The following RUFY1 variants were observed in gnomAD, a reference collection of about 807,000 sequenced individuals.
RUFY1 encodes RUN and FYVE domain containing 1.
A neutral mutation model predicts 94.6 loss-of-function variants in RUFY1; 54 were observed. The ratio of observed to expected loss-of-function variants is 0.57; its 90% CI spans 0.46 to 0.72. RUFY1 has a LOEUF of 0.72. Among genes scored for constraint, RUFY1 ranks in the 30% least tolerant of loss-of-function variants. The pLI is 0.00. For missense variants in RUFY1, 883 were observed against 883.9 expected (o/e 1.00, Z 0.01); for synonymous variants, 396 against 347.3 (o/e 1.14, Z -1.56).
At chr5:179,605,807 C>T in intron 15 of RUFY1, 69 bp from the exon 16 acceptor site, 1 of 1,020,840 alleles carries the variant, frequency 9.8e-7, no homozygotes, top group Non-Finnish European at 1.5e-6. Flanking sequence ...TCCTGAGAGC[C>T]AGCTGTGTTA....
chr5:179,592,007 G>A (rs1041811064), intron 10 of RUFY1, among the ~76,000 whole-genome samples: 11 of 152,006 alleles, frequency 7.2e-5, no homozygotes, highest in East Asian at 1.9e-4. Context: ...GTGCGATGGC[G>A]CGATCTTGGC....
intron 15 of RUFY1, among the ~76,000 whole-genome samples, chr5:179,603,065 C>T (rs1179426012): frequency 6.6e-6 from 1 of 152,068 alleles, no homozygotes; most frequent in Non-Finnish European, 1.5e-5. Flanking sequence ...GTCAGGAGTT[C>T]GAGACCAGCC....
intron 2 of RUFY1, 87 bp downstream of exon 2, chr5:179,560,285 G>C: frequency 1.3e-6 from 2 of 1,485,810 alleles, no homozygotes; most frequent in Non-Finnish European, 1.8e-6. Context: ...CATCCTTCTA[G>C]ATGCTGAAAT....
rs138909927 is a variant in RUFY1 at position 179,607,620 on chromosome 5, T to C, written c.1944T>C (p.Cys648=). 310 of 1,614,166 alleles carry C rather than the reference T, an allele frequency of 1.9e-4. No homozygotes were observed. In the African/African-American group the frequency reaches 3.9e-3, roughly 20 times the overall value. Residue 648 remains cysteine, a synonymous_variant, in exon 17 of 18, where the codon TGT becomes TGC. Coordinates refer to ENST00000319449, the MANE Select transcript of RUFY1 (RefSeq NM_025158.5). ...AWLKDDEATH[C]RQCEKEFSIS... is the part of the protein sequence containing the mutation. ...TGAAAGATGACGAAGCGACACACTG[T>C]AGGCAGTGTGAGAAGGAGTTCTCCA...
intron 1 of RUFY1, among the ~76,000 whole-genome samples, chr5:179,553,640 A>G (rs993336884): frequency 6.6e-6 from 1 of 151,680 alleles, no homozygotes; most frequent in Non-Finnish European, 1.5e-5. Context: ...AAGTACAAAA[A>G]TTAGCCGGGC....
chr5:179,600,469 C>T (rs1296497688), intron 14 of RUFY1, among the ~76,000 whole-genome samples: 2 of 152,190 alleles, frequency 1.3e-5, no homozygotes, highest in African/African-American at 4.8e-5. Flanking sequence ...AGGTCACCCC[C>T]TTCATCATCC....
intron 8 of RUFY1, 197 bp from the exon 9 acceptor site, chr5:179,589,349 G>C (rs148003581): frequency 3.7e-6 from 2 of 534,456 alleles, no homozygotes; most frequent in African/African-American, 3.8e-5. Context: ...GGCAAGGGCG[G>C]AGGAGAGATT....
At chr5:179,598,630 G>A in intron 13 of RUFY1, 62 bp from the exon 14 acceptor site, 1 of 1,598,948 alleles carries the variant, frequency 6.3e-7, no homozygotes, top group Non-Finnish European at 8.6e-7. Context: ...GGTGAATTGG[G>A]TTGTGAATCT....
At chr5:179,593,162 G>A (rs1422317105) in intron 10 of RUFY1, among the ~76,000 whole-genome samples, 3 of 152,184 alleles carry the variant, frequency 2.0e-5, no homozygotes, top group South Asian at 4.1e-4. Context: ...TGCAGCCTCC[G>A]CCTCCCGGAT....
At chr5:179,560,347 A>G (rs1011754082) in intron 2 of RUFY1, 149 bp downstream of exon 2, 2 of 975,706 alleles carry the variant, frequency 2.0e-6, no homozygotes, top group South Asian at 1.8e-5. Context: ...GCGACGTCCT[A>G]GAGCAGCGCT....
chr5:179,562,073 G>A (rs946912828), intron 2 of RUFY1, among the ~76,000 whole-genome samples: 3 of 152,002 alleles, frequency 2.0e-5, no homozygotes, highest in Middle Eastern at 3.4e-3. Flanking sequence ...GAGAAAGAGA[G>A]ACTAATTTAT....
At chr5:179,559,337 T>TC in intron 1 of RUFY1, among the ~76,000 whole-genome samples, 1 of 152,290 alleles carries the variant, frequency 6.6e-6, no homozygotes, top group Admixed American at 6.5e-5. Flanking sequence ...TTCATTTGAC[T>TC]CCAACGGTTT....
At chr5:179,578,116 A>G (rs1763804562) in intron 6 of RUFY1, among the ~76,000 whole-genome samples, 1 of 152,110 alleles carries the variant, frequency 6.6e-6, no homozygotes, top group Non-Finnish European at 1.5e-5. Context: ...TTGATCGTCT[A>G]TTTTGCTTTA....
In RUFY1 at chr5:179,609,456, G is replaced by T. The variant is rs11541392; in HGVS notation, c.2064G>T (p.Pro688=). The T allele has an allele frequency of 6.2e-7, 1 of 1,612,318 alleles. No homozygotes were observed. The highest frequency in any genetic ancestry group is 8.5e-7 in the Non-Finnish European group (1 of 1,179,778). The change falls in exon 18 of 18, where the codon CCG becomes CCT. Residue 688 remains proline, a synonymous_variant. Transcript: ENST00000319449. Reference sequence around the variant, plus strand: ...TGGCCCTGCCCTCCTACCCCAAGCCGGTGCGAGTGTGCGACAGCTGCCACA... The same window carrying T: ...TGGCCCTGCCCTCCTACCCCAAGCCTGTGCGAGTGTGCGACAGCTGCCACA... ...NELALPSYPK[P]VRVCDSCHTL...
intron 8 of RUFY1, chr5:179,586,413 T>G: frequency 2.2e-6 from 1 of 456,724 alleles, no homozygotes. Flanking sequence ...GTCTCCTTGC[T>G]GGACACATCT....
At position 179,591,666 on chromosome 5, in the gene RUFY1, GC is replaced by G; in HGVS notation, c.1171del (p.Gln391LysfsTer17). 6.2e-7 allele frequency: 1 copy of G among 1,613,252 alleles called. No individual in the cohort carries two copies. The highest frequency in any genetic ancestry group is 8.5e-7 in the Non-Finnish European group (1 of 1,179,766). The part of the protein sequence containing the change: ...DTKVELETYK[Q>X]TRQGLDEMYS... ...CCAAAGTTGAGCTGGAGACTTACAA[GC>G]AAACTCGGCAAGGTCTGGATGAAAT... On this transcript the variant is annotated frameshift_variant, in exon 10 of 18. Transcript: ENST00000319449. LOFTEE classifies it high-confidence loss of function.
At chr5:179,607,226 G>A (rs1231215481) in intron 16 of RUFY1, 2 of 277,708 alleles carry the variant, frequency 7.2e-6, no homozygotes, top group Non-Finnish European at 1.4e-5. Flanking sequence ...CAGTGTCTCA[G>A]GCAGGGTCTA....
chr5:179,605,208 G>A (rs187565415), intron 15 of RUFY1, among the ~76,000 whole-genome samples: 1 of 151,038 alleles, frequency 6.6e-6, no homozygotes, highest in Admixed American at 6.6e-5. Context: ...GAGCCCAGGA[G>A]GTCAAGGTTG....
At chr5:179,573,749 C>A (rs1294683069) in intron 5 of RUFY1, among the ~76,000 whole-genome samples, 1 of 152,054 alleles carries the variant, frequency 6.6e-6, no homozygotes, top group Non-Finnish European at 1.5e-5. Context: ...GTCTTGAACT[C>A]CTGACATCGT....
Sources: gnomAD v4.1 joint callset for allele counts (sites outside exome capture counted in the v4.1 genomes callset) on GRCh38, gnomAD v4.1.1 for gene constraint, MANE v1.5 for transcripts, NCBI Gene and HGNC (gene_info 2026-07-23, HGNC 2026-07-21) for gene names.